DGKE: variants seen among roughly 807,000 people sequenced by gnomAD.
DGKE encodes diacylglycerol kinase epsilon, also known as DAG kinase epsilon.
DGKE carries 53 observed loss-of-function variants against 70.0 expected under a neutral mutation model. That is an observed-to-expected ratio of 0.76 (90% confidence interval 0.61 to 0.95). The LOEUF (loss-of-function observed/expected upper bound fraction) is 0.95. Among genes scored for constraint, DGKE ranks in the 40% least tolerant of loss-of-function variants. The pLI is 0.00. For synonymous variants in DGKE, 291 were observed against 257.0 expected (o/e 1.13, Z -1.27); for missense variants, 655 against 706.9 (o/e 0.93, Z 0.83).
rs528823508 is a variant in DGKE, at chr17:56,848,615, G to C, written c.889-81G>C. 111 of 1,376,670 alleles carry C rather than the reference G, an allele frequency of 8.1e-5. No homozygotes were observed. The East Asian group carries it at 2.5e-3, about 31-fold the overall frequency. The allele number at this position is 1,376,670 out of a possible 1,614,324, so 85.3% of individuals were successfully genotyped here. On this transcript the variant is annotated intron_variant, in intron 5 of 11. Coordinates refer to ENST00000284061, the MANE Select transcript of DGKE (RefSeq NM_003647.3). ...GTTATATTTGTATCCTTACTGTTTT[G>C]GTCTTATTAAATTTTACAAAATATT...
At chr17:56,856,764 G>T in intron 8 of DGKE, 139 bp downstream of exon 8, 2 of 1,081,758 alleles carry the variant, frequency 1.8e-6, no homozygotes, top group South Asian at 2.0e-5. Flanking sequence ...GTGTAGGGTT[G>T]TCAAATTAGA....
At chr17:56,838,835 T>C (rs538661858) in intron 2 of DGKE, 47 of 152,354 alleles carry the variant, frequency 3.1e-4, no homozygotes, top group African/African-American at 1.1e-3. Context: ...AGGAAGTATA[T>C]ACGTACATTT....
intron 3 of DGKE, 40 bp from the exon 4 acceptor site, chr17:56,845,650 T>C: frequency 6.4e-7 from 1 of 1,569,850 alleles, no homozygotes; most frequent in Non-Finnish European, 8.6e-7. Context: ...TTTTCATCTT[T>C]AAGATACTAA....
intron 9 of DGKE, 49 bp from the exon 10 acceptor site, chr17:56,861,742 G>A (rs55668351): frequency 2.2e-4 from 346 of 1,597,026 alleles, no homozygotes; most frequent in Non-Finnish European, 2.9e-4. Flanking sequence ...ATGGATGTGT[G>A]TGGAAATTGT....
At chr17:56,840,208 G>C (rs1474479914) in intron 2 of DGKE, among the ~76,000 whole-genome samples, 1 of 152,110 alleles carries the variant, frequency 6.6e-6, no homozygotes, top group Non-Finnish European at 1.5e-5. Context: ...AAATTTATGA[G>C]AATTTAATAA....
intron 9 of DGKE, among the ~76,000 whole-genome samples, chr17:56,859,447 TCTCA>T (rs1006278177): frequency 1.0e-4 from 15 of 148,616 alleles, no homozygotes; most frequent in Non-Finnish European, 1.8e-4. Context: ...TGAGATGGAG[TCTCA>T]CTCTGTCATC....
intron 7 of DGKE, among the ~76,000 whole-genome samples, chr17:56,853,356 T>C (rs1045638641): frequency 1.3e-5 from 2 of 152,238 alleles, no homozygotes; most frequent in African/African-American, 4.8e-5. Context: ...ATCAAACAAA[T>C]ATCAAACAAA....
At chr17:56,846,183 T>G (rs1302527760) in intron 4 of DGKE, 1 of 155,794 alleles carries the variant, frequency 6.4e-6, no homozygotes, top group Non-Finnish European at 1.4e-5. Flanking sequence ...CATCAGCTGA[T>G]GAGTTGATAA....
intron 8 of DGKE, 114 bp from the exon 9 acceptor site, chr17:56,858,480 A>G (rs1300117228): frequency 2.9e-5 from 24 of 841,490 alleles, no homozygotes; most frequent in Non-Finnish European, 3.2e-5. Context: ...AGTCTACCAT[A>G]AGGAGAATGT....
chr17:56,860,482 T>C (rs895449994), intron 9 of DGKE, among the ~76,000 whole-genome samples: 7 of 152,312 alleles, frequency 4.6e-5, no homozygotes, highest in Admixed American at 1.3e-4. Context: ...TAAGCCATGA[T>C]TGTACCACTG....
intron 9 of DGKE, among the ~76,000 whole-genome samples, chr17:56,860,300 G>A (rs1908215009): frequency 6.6e-6 from 1 of 152,172 alleles, no homozygotes. Context: ...CACTTTGGGA[G>A]GCCAAGGTGG....
chr17:56,848,135 T>TATAC (rs1907421148), intron 5 of DGKE, 70 bp downstream of exon 5: 1 of 925,206 alleles, frequency 1.1e-6, no homozygotes, highest in Non-Finnish European at 1.4e-6. Context: ...TATATATATA[T>TATAC]GGGTTTTGTT....
At position 56,866,757 on chromosome 17, in the gene DGKE, A is replaced by G. The variant is rs985823425; in HGVS notation, c.*3966A>G. ...TTCTCACTGCAGTCAATGCAGCCAC[A>G]CTTGTGTATACTGAGTGCTGCTTCA... On this transcript the variant is annotated 3_prime_UTR_variant, in exon 12 of 12. Coordinates refer to ENST00000284061, the MANE Select transcript of DGKE (RefSeq NM_003647.3). 2.0e-5 allele frequency: 3 copies of G among 152,226 alleles called. No homozygotes were observed. The highest frequency in any genetic ancestry group is 6.5e-5 in the Admixed American group (1 of 15,278). 9.4% of individuals were successfully genotyped at this position (152,226 alleles called of 1,614,324 possible).
chr17:56,862,204 G>A lies in DGKE; in HGVS notation c.1477G>A (p.Val493Ile). The change falls in exon 11 of 12, where the codon GTA becomes ATA. Residue 493 changes from valine (V) to isoleucine (I), a missense_variant. By Grantham distance (29) the Val-to-Ile change is conservative (BLOSUM62 3). Coordinates refer to ENST00000284061, the MANE Select transcript of DGKE (RefSeq NM_003647.3). ...YGSFHCAQIQ[V>I]KLANPFRIGQ... The stretch of plus-strand genomic sequence containing the variant: ...GTCTTTCCACTGTGCTCAGATTCAA[G>A]TAAAACTGGCTAATCCTTTTCGAAT... The A allele has an allele frequency of 3.1e-6, 5 of 1,614,206 alleles. No homozygotes were observed. The highest frequency in any genetic ancestry group is 4.2e-6 in the Non-Finnish European group (5 of 1,180,042).
chr17:56,835,633 C>T (rs140729381), intron 2 of DGKE: 1 of 324,638 alleles, frequency 3.1e-6, no homozygotes, highest in African/African-American at 2.1e-5. Context: ...TTAACTTTTC[C>T]CTTCAGCCGC....
chr17:56,840,091 G>A (rs1157646458), intron 2 of DGKE, among the ~76,000 whole-genome samples: 1 of 152,116 alleles, frequency 6.6e-6, no homozygotes, highest in Admixed American at 6.5e-5. Context: ...TTGAACCCAG[G>A]AGGCGGAGGT....
chr17:56,841,598 G>A (rs778697479), intron 2 of DGKE, among the ~76,000 whole-genome samples: 11 of 152,114 alleles, frequency 7.2e-5, no homozygotes, highest in Admixed American at 2.0e-4. Context: ...ACTAATGAGC[G>A]GTATTAATAA....
rs1215060627 is a variant in DGKE, at chr17:56,862,240, C to A, written c.1513C>A (p.His505Asn). The A allele has an allele frequency of 2.5e-6, 4 of 1,613,794 alleles. No homozygotes were observed. Among genetic ancestry groups the A allele is most frequent in the Non-Finnish European group, 3.4e-6 (4 of 1,179,760 alleles). Reference sequence around the variant, plus strand: ...TAATCCTTTTCGAATAGGACAGGCACATACAGTGAGGGTAGGTGAAATATA... The same window carrying A: ...TAATCCTTTTCGAATAGGACAGGCAAATACAGTGAGGGTAGGTGAAATATA... ...LANPFRIGQA[H>N]TVRLILKCSM... Residue 505 changes from histidine to asparagine, a missense_variant, in exon 11 of 12, where the codon CAT becomes AAT. Coordinates refer to ENST00000284061, the MANE Select transcript of DGKE (RefSeq NM_003647.3).
chr17:56,867,952 A>ATT lies in DGKE; in HGVS notation c.*5162_*5163insTT, dbSNP rs899343090. 1.3e-5 allele frequency: 2 copies of ATT among 152,502 alleles called. No homozygotes were observed. Among genetic ancestry groups the ATT allele is most frequent in the Non-Finnish European group, 2.9e-5 (2 of 68,270 alleles). The allele number at this position is 152,502 out of a possible 1,614,324, so 9.4% of individuals were successfully genotyped here. A position where few individuals can be genotyped will look rare whatever the true frequency, so the allele number is the denominator to read the frequency against. On this transcript the variant is annotated 3_prime_UTR_variant, in exon 12 of 12. Coordinates refer to ENST00000284061, the MANE Select transcript of DGKE (RefSeq NM_003647.3). The stretch of plus-strand genomic sequence containing the variant: ...GAAAGAAATGTGTTGCTGGTATCAG[A>ATT]TATCAGACCAAGAACACTTCAGTCT...
Sources: allele counts gnomAD v4.1 joint callset (sites outside exome capture counted in the v4.1 genomes callset), GRCh38; gene constraint gnomAD v4.1.1; transcripts MANE v1.5; gene names NCBI Gene and HGNC (gene_info 2026-07-23, HGNC 2026-07-21).